The following SLCO5A1 variants were observed in gnomAD, a reference collection of about 807,000 sequenced individuals.
The protein encoded by SLCO5A1 is solute carrier organic anion transporter family member 5A1, also known as organic anion transporter polypeptide-related protein 4.
Under a neutral mutation model 65.1 loss-of-function variants are expected in SLCO5A1, and 39 were observed. The ratio of observed to expected loss-of-function variants is 0.60; its 90% CI spans 0.46 to 0.78. The LOEUF (loss-of-function observed/expected upper bound fraction) is 0.78, where lower values mean the gene tolerates loss of function less well. Among genes scored for constraint, SLCO5A1 ranks in the 30% least tolerant of loss-of-function variants. SLCO5A1 has a pLI of 0.00. For missense variants in SLCO5A1, 1,029 were observed against 1,069.4 expected, an observed-to-expected ratio of 0.96 and a Z score of 0.53; for synonymous variants, 438 against 415.7, an observed-to-expected ratio of 1.05 and a Z score of -0.65.
At chr8:69,828,374 G>A (rs560695768) in intron 2 of SLCO5A1, among the ~76,000 whole-genome samples, 165 of 152,146 alleles carry the variant, frequency 1.1e-3, no homozygotes, top group East Asian at 3.1e-3. Context: ...AGGCCAAGGC[G>A]GGTGGATCAC....
intron 6 of SLCO5A1, among the ~76,000 whole-genome samples, chr8:69,694,504 G>A (rs934679867): frequency 1.3e-5 from 2 of 152,188 alleles, no homozygotes; most frequent in Admixed American, 1.3e-4. Flanking sequence ...ACAAGAAACA[G>A]TTTTTACTAG....
At chr8:69,703,228 C>T (rs377679986) in intron 6 of SLCO5A1, among the ~76,000 whole-genome samples, 1 of 152,092 alleles carries the variant, frequency 6.6e-6, no homozygotes, top group African/African-American at 2.4e-5. Flanking sequence ...GGGAAAACAG[C>T]ACTCATATCC....
At chr8:69,822,657 CA>C (rs918414346) in intron 2 of SLCO5A1, among the ~76,000 whole-genome samples, 5 of 152,310 alleles carry the variant, frequency 3.3e-5, no homozygotes, top group Admixed American at 3.3e-4. Context: ...TTTGACAGAA[CA>C]GAGCACTGTC....
intron 2 of SLCO5A1, among the ~76,000 whole-genome samples, chr8:69,764,862 G>C (rs1817981332): frequency 1.3e-5 from 2 of 152,068 alleles, no homozygotes; most frequent in Admixed American, 6.6e-5. Context: ...CAGGGAAAAG[G>C]GTATTTCCGC....
At chr8:69,792,406 T>C (rs146731657) in intron 2 of SLCO5A1, among the ~76,000 whole-genome samples, 348 of 152,292 alleles carry the variant, frequency 2.3e-3, no homozygotes, top group African/African-American at 7.6e-3. Flanking sequence ...AGTGAATTAT[T>C]TGAAATAGCA....
chr8:69,828,177 A>G (rs539394432), intron 2 of SLCO5A1, among the ~76,000 whole-genome samples: 3 of 152,316 alleles, frequency 2.0e-5, no homozygotes, highest in Non-Finnish European at 4.4e-5. Flanking sequence ...TGATACTCAA[A>G]CTACTGTAGC....
chr8:69,770,420 C>A (rs572334360), intron 2 of SLCO5A1, among the ~76,000 whole-genome samples: 9 of 152,120 alleles, frequency 5.9e-5, no homozygotes, highest in Admixed American at 2.0e-4. Context: ...CATAGTGAGA[C>A]CCATCTTTAT....
intron 5 of SLCO5A1, among the ~76,000 whole-genome samples, chr8:69,711,001 G>C (rs748112862): frequency 8.1e-6 from 1 of 123,062 alleles, no homozygotes. Context: ...ACAGTTCAGA[G>C]CCTTCATACT....
intron 4 of SLCO5A1, among the ~76,000 whole-genome samples, chr8:69,747,461 T>A (rs1229622770): frequency 6.6e-6 from 1 of 152,112 alleles, no homozygotes; most frequent in Non-Finnish European, 1.5e-5. Flanking sequence ...ATTGAACACA[T>A]CAGACTTTTT....
intron 2 of SLCO5A1, among the ~76,000 whole-genome samples, chr8:69,790,383 A>G (rs959388342): frequency 1.8e-4 from 28 of 151,880 alleles, no homozygotes; most frequent in Non-Finnish European, 3.7e-4. Context: ...TAAAAAATGT[A>G]ATAATAATAA....
intron 2 of SLCO5A1, among the ~76,000 whole-genome samples, chr8:69,765,571 G>C (rs1301602125): frequency 2.6e-5 from 4 of 152,118 alleles, no homozygotes; most frequent in Non-Finnish European, 5.9e-5. Context: ...GAGCTTATAA[G>C]AGAAGTAAAT....
chr8:69,780,391 C>T (rs906857518), intron 2 of SLCO5A1, among the ~76,000 whole-genome samples: 4 of 152,132 alleles, frequency 2.6e-5, no homozygotes, highest in Admixed American at 6.5e-5. Context: ...AGCAAAGATA[C>T]GGAATCAACC....
chr8:69,782,207 A>G (rs1446685354), intron 2 of SLCO5A1, among the ~76,000 whole-genome samples: 1 of 152,118 alleles, frequency 6.6e-6, no homozygotes, highest in Non-Finnish European at 1.5e-5. Flanking sequence ...CATTCTGCAC[A>G]TGTATCCCAG....
At chr8:69,695,624 A>T (rs941552108) in intron 6 of SLCO5A1, among the ~76,000 whole-genome samples, 2 of 152,134 alleles carry the variant, frequency 1.3e-5, no homozygotes, top group African/African-American at 4.8e-5. Context: ...TTATGCTGGT[A>T]ACCAGGAGAG....
intron 5 of SLCO5A1, among the ~76,000 whole-genome samples, chr8:69,705,974 CA>C (rs1563673467): frequency 6.6e-6 from 1 of 152,076 alleles, no homozygotes; most frequent in South Asian, 2.1e-4. Flanking sequence ...ACATGGGTAC[CA>C]AAAGAAGTGG....
intron 6 of SLCO5A1, among the ~76,000 whole-genome samples, chr8:69,690,303 T>C (rs2933071): frequency 0.33 from 49,190 of 151,290 alleles, 9,021 homozygotes; most frequent in African/African-American, 0.51. Context: ...CATTTACCTG[T>C]GCTTCATTGA....
intron 5 of SLCO5A1, among the ~76,000 whole-genome samples, chr8:69,734,737 A>AT (rs1816484845): frequency 6.6e-6 from 1 of 152,300 alleles, no homozygotes; most frequent in Admixed American, 6.5e-5. Flanking sequence ...TATCTAAATA[A>AT]TTTTTTTAAG....
intron 2 of SLCO5A1, among the ~76,000 whole-genome samples, chr8:69,817,582 T>C (rs939857317): frequency 6.6e-6 from 1 of 152,182 alleles, no homozygotes; most frequent in Non-Finnish European, 1.5e-5. Context: ...CTTGCCCAAA[T>C]CCTTTCATCC....
intron 2 of SLCO5A1, among the ~76,000 whole-genome samples, chr8:69,778,643 G>A (rs1818673249): frequency 6.6e-6 from 1 of 152,160 alleles, no homozygotes; most frequent in Admixed American, 6.5e-5. Context: ...TTGGGAATTA[G>A]TAGTAGCTTT....
Sources: allele counts gnomAD v4.1 joint callset (sites outside exome capture counted in the v4.1 genomes callset), GRCh38; gene constraint gnomAD v4.1.1; transcripts MANE v1.5; gene names NCBI Gene and HGNC (gene_info 2026-07-23, HGNC 2026-07-21).